CARNMT1: variants seen among roughly 807,000 people sequenced by gnomAD.
The protein encoded by CARNMT1 is protein-L-histidine N-pros-methyltransferase CARNMT1.
Under a neutral mutation model 49.6 loss-of-function variants are expected in CARNMT1, and 28 were observed. The ratio of observed to expected loss-of-function variants is 0.56; its 90% CI spans 0.42 to 0.77. CARNMT1 has a LOEUF of 0.77. Ranked by LOEUF, CARNMT1 falls within the 30% of genes least tolerant of loss-of-function variation. CARNMT1 has a pLI of 0.00. For missense variants in CARNMT1, 421 were observed against 512.6 expected (o/e 0.82, Z 1.73); for synonymous variants, 178 against 175.0 (o/e 1.02, Z -0.13).
At position 75,008,901 on chromosome 9, in the gene CARNMT1, T is replaced by C. The variant is rs147757691; in HGVS notation, c.590+7367A>G. ...AACGAGGACTCACACTTCCTGACTTTGAAATTTATAAAACTATGGCAATTA... is the reference window on the plus strand; with the variant it reads ...AACGAGGACTCACACTTCCTGACTTCGAAATTTATAAAACTATGGCAATTA... On this transcript the variant is annotated intron_variant, in intron 3 of 7. Coordinates refer to ENST00000376834, the MANE Select transcript of CARNMT1 (RefSeq NM_152420.3). Among the ~76,000 whole-genome samples, 332 of 152,256 alleles carry C rather than the reference T, an allele frequency of 2.2e-3. 4 individuals carry two copies. Among genetic ancestry groups the C allele is most frequent in the East Asian group, 0.018 (95 of 5,176 alleles).
chr9:74,992,174 A>T (rs1833044121), intron 6 of CARNMT1, among the ~76,000 whole-genome samples: 1 of 152,004 alleles, frequency 6.6e-6, no homozygotes, highest in African/African-American at 2.4e-5. Flanking sequence ...TGAGAGGCTG[A>T]GGCATAAGAA....
chr9:75,027,949 G>A (rs944775331), intron 1 of CARNMT1, 63 bp downstream of exon 1: 2 of 1,473,526 alleles, frequency 1.4e-6, no homozygotes, highest in Non-Finnish European at 9.0e-7. Flanking sequence ...CCGTTCCGGC[G>A]GGTCCGCCGC....
Position 75,020,261 on chromosome 9 carries a change from TTTC to T in CARNMT1, c.231-2816_231-2814del, listed in dbSNP as rs10645538. On this transcript the variant is annotated intron_variant, in intron 1 of 7. Transcript: ENST00000376834. ...AGTATTTTTCATTTTCTATTTCATT[TTTC>T]TTCTTTTTTTTTTTTTTTTTTGAGA... is the stretch of plus-strand genomic sequence containing the variant. Among the ~76,000 whole-genome samples, 45 of 134,210 alleles carry T rather than the reference TTTC, an allele frequency of 3.4e-4. No homozygotes were observed. The East Asian group carries it at 4.1e-3, about 12-fold the overall frequency. 88.0% of individuals were successfully genotyped at this position (134,210 alleles called of 152,430 possible). A position where few individuals can be genotyped will look rare whatever the true frequency, so the allele number is the denominator to read the frequency against.
chr9:75,027,089 A>T (rs1407306107), intron 1 of CARNMT1: 20 of 1,304,196 alleles, frequency 1.5e-5, no homozygotes, highest in Non-Finnish European at 2.0e-5. Context: ...TTCCAACTGC[A>T]GCCTCAGAAC....
At chr9:75,007,621 C>T (rs865894838) in intron 3 of CARNMT1, among the ~76,000 whole-genome samples, 26 of 151,176 alleles carry the variant, frequency 1.7e-4, no homozygotes, top group African/African-American at 6.1e-4. Context: ...CCCAGCTACT[C>T]GGGAGGCTGA....
chr9:75,013,896 AG>A (rs1385722372), intron 3 of CARNMT1, among the ~76,000 whole-genome samples: 2 of 151,010 alleles, frequency 1.3e-5, no homozygotes, highest in East Asian at 3.9e-4. Flanking sequence ...ACTTGAGCCC[AG>A]GAGTTTAAGG....
chr9:75,027,645 A>T (rs1241062875), intron 1 of CARNMT1, among the ~76,000 whole-genome samples: 1 of 152,248 alleles, frequency 6.6e-6, no homozygotes, highest in Non-Finnish European at 1.5e-5. Flanking sequence ...CACACCAATC[A>T]GCCCAGCAGT....
chr9:75,011,972 T>C (rs1833702052), intron 3 of CARNMT1, among the ~76,000 whole-genome samples: 1 of 152,174 alleles, frequency 6.6e-6, no homozygotes, highest in African/African-American at 2.4e-5. Context: ...ATTGCTGCCT[T>C]GTAAGCTCCT....
chr9:75,007,835 T>C (rs757667607), intron 3 of CARNMT1, among the ~76,000 whole-genome samples: 3 of 151,096 alleles, frequency 2.0e-5, no homozygotes, highest in Non-Finnish European at 2.9e-5. Context: ...ACTGAAAGCT[T>C]TCTCCCTAAG....
At chr9:75,005,542 G>A (rs1032360540) in intron 3 of CARNMT1, among the ~76,000 whole-genome samples, 3 of 148,976 alleles carry the variant, frequency 2.0e-5, no homozygotes, top group Non-Finnish European at 3.0e-5. Flanking sequence ...GCGCAATCTC[G>A]GCTCACTGCA....
At chr9:74,987,364 A>C (rs1449312588) in intron 6 of CARNMT1, among the ~76,000 whole-genome samples, 2 of 152,222 alleles carry the variant, frequency 1.3e-5, no homozygotes, top group Non-Finnish European at 2.9e-5. Context: ...TCTTAATCAT[A>C]ATAATTTGGG....
intron 6 of CARNMT1, among the ~76,000 whole-genome samples, chr9:74,990,559 C>T (rs1188352167): frequency 6.6e-6 from 1 of 152,162 alleles, no homozygotes; most frequent in East Asian, 1.9e-4. Context: ...ATGATTTTTA[C>T]AGACGGACAT....
rs954008173 is a variant in CARNMT1, at chr9:75,028,257, C to T, written c.-16G>A. 36 of 1,361,710 alleles carry T rather than the reference C, an allele frequency of 2.6e-5. No homozygotes were observed. The highest frequency in any genetic ancestry group is 3.2e-5 in the Non-Finnish European group (34 of 1,060,968). 84.4% of individuals were successfully genotyped at this position (1,361,710 alleles called of 1,614,324 possible). ...GTCGCTGCATCGCCGCCGCGGCCCT[C>T]GGCCTGGCTCGCTTGCGTCTCTCCG... On this transcript the variant is annotated 5_prime_UTR_variant, in exon 1 of 8. Coordinates refer to ENST00000376834, the MANE Select transcript of CARNMT1 (RefSeq NM_152420.3).
At position 75,016,376 on chromosome 9, in the gene CARNMT1, G is replaced by A. The variant is rs372633105; in HGVS notation, c.482C>T (p.Thr161Met). 8.1e-6 allele frequency: 13 copies of A among 1,613,850 alleles called. No individual in the cohort carries two copies. Among genetic ancestry groups the A allele is most frequent in the East Asian group, 2.2e-5 (1 of 44,884 alleles). ...STFDMDKLKS[T>M]LKQFVRDWSE... Reference sequence around the variant, plus strand: ...CCAGTCTCTCACAAACTGTTTCAGCGTGGATTTTAACTTATCCATGTCAAA... The same window carrying A: ...CCAGTCTCTCACAAACTGTTTCAGCATGGATTTTAACTTATCCATGTCAAA... The change falls in exon 3 of 8, where the codon ACG becomes ATG. Residue 161 changes from threonine (T) to methionine (M), a missense_variant. This residue lies in a region of CARNMT1 where 235 missense variants were observed against 344.8 expected (regional missense o/e 0.68). Transcript: ENST00000376834.
At chr9:74,998,006 T>C (rs959497784) in intron 5 of CARNMT1, among the ~76,000 whole-genome samples, 3 of 152,154 alleles carry the variant, frequency 2.0e-5, no homozygotes, top group Non-Finnish European at 2.9e-5. Context: ...CCACTTTCCC[T>C]ATTACCATCT....
intron 3 of CARNMT1, among the ~76,000 whole-genome samples, chr9:75,001,245 G>T (rs1300689271): frequency 6.6e-6 from 1 of 152,084 alleles, no homozygotes; most frequent in Non-Finnish European, 1.5e-5. Flanking sequence ...CCAAATGGCT[G>T]ATGACCCCAG....
intron 6 of CARNMT1, among the ~76,000 whole-genome samples, chr9:74,985,758 T>G (rs1832816641): frequency 6.6e-6 from 1 of 152,196 alleles, no homozygotes; most frequent in Admixed American, 6.5e-5. Context: ...TTTTATATTT[T>G]TAGTAGAGAC....
At chr9:75,012,933 A>G (rs2118845208) in intron 3 of CARNMT1, among the ~76,000 whole-genome samples, 1 of 151,944 alleles carries the variant, frequency 6.6e-6, no homozygotes, top group Non-Finnish European at 1.5e-5. Context: ...AAAAAAAAAA[A>G]TCTTATCTAT....
At chr9:75,022,843 A>G (rs894400990) in intron 1 of CARNMT1, among the ~76,000 whole-genome samples, 3 of 152,194 alleles carry the variant, frequency 2.0e-5, no homozygotes, top group South Asian at 2.1e-4. Context: ...TAGAAATTAA[A>G]GGAGTCATCA....
Sources: gnomAD v4.1 joint callset for allele counts (sites outside exome capture counted in the v4.1 genomes callset) on GRCh38, gnomAD v4.1.1 for gene constraint, gnomAD v4.1.1 regional missense constraint, MANE v1.5 for transcripts, NCBI Gene and HGNC (gene_info 2026-07-23, HGNC 2026-07-21) for gene names.